KAZN: variants seen among roughly 807,000 people sequenced by gnomAD.
KAZN encodes the protein kazrin, periplakin interacting protein.
KAZN carries 40 observed loss-of-function variants against 87.4 expected under a neutral mutation model. The ratio of observed to expected loss-of-function variants is 0.46; its 90% CI spans 0.36 to 0.60. The LOEUF is 0.60. KAZN is among the 20% of genes least tolerant of loss of function. The pLI, the probability that KAZN is intolerant of heterozygous loss-of-function variation, is 0.00. For synonymous variants in KAZN, 466 were observed against 458.3 expected (o/e 1.02, Z -0.22); for missense variants, 898 against 1,073.9 (o/e 0.84, Z 2.29).
At chr1:14,935,716 C>T (rs1330254334) in intron 1 of KAZN, among the ~76,000 whole-genome samples, 1 of 152,174 alleles carries the variant, frequency 6.6e-6, no homozygotes, top group African/African-American at 2.4e-5. Flanking sequence ...GTACCCTGGC[C>T]TGTTCCCTGC....
chr1:14,252,615 T>C (rs928762333), intron 2 of KAZN, among the ~76,000 whole-genome samples: 4 of 152,208 alleles, frequency 2.6e-5, no homozygotes, highest in African/African-American at 9.6e-5. Context: ...TCTGTTGGTA[T>C]ACATTCCCTA....
intron 2 of KAZN, among the ~76,000 whole-genome samples, chr1:14,281,559 A>G (rs940169489): frequency 6.6e-6 from 1 of 152,208 alleles, no homozygotes; most frequent in Admixed American, 6.5e-5. Context: ...AGTAAGGCCC[A>G]TGAAGCAACT....
intron 1 of KAZN, among the ~76,000 whole-genome samples, chr1:14,783,726 G>A (rs1022377373): frequency 3.9e-5 from 6 of 152,134 alleles, no homozygotes; most frequent in Admixed American, 3.3e-4. Flanking sequence ...GCGGGGTCCT[G>A]GCTGAGGAGT....
chr1:14,269,657 G>C (rs1319179125), intron 2 of KAZN, among the ~76,000 whole-genome samples: 1 of 152,198 alleles, frequency 6.6e-6, no homozygotes, highest in Non-Finnish European at 1.5e-5. Context: ...TCAGCGCACT[G>C]TTGTGGAAGT....
At chr1:14,439,149 A>G (rs1442865974) in intron 2 of KAZN, among the ~76,000 whole-genome samples, 1 of 152,102 alleles carries the variant, frequency 6.6e-6, no homozygotes, top group Non-Finnish European at 1.5e-5. Context: ...TCCACACCCA[A>G]AACCTGCCCT....
At chr1:14,861,472 G>A (rs1650845066) in intron 1 of KAZN, among the ~76,000 whole-genome samples, 1 of 152,188 alleles carries the variant, frequency 6.6e-6, no homozygotes, top group Admixed American at 6.5e-5. Flanking sequence ...TGTCATCATT[G>A]AGACATAAGG....
chr1:14,533,502 G>A (rs761960560), intron 2 of KAZN, among the ~76,000 whole-genome samples: 2 of 152,252 alleles, frequency 1.3e-5, no homozygotes, highest in East Asian at 1.9e-4. Flanking sequence ...CCAAACTCAC[G>A]GCTCTGCATC....
chr1:15,091,751 C>G (rs16851281), intron 8 of KAZN, among the ~76,000 whole-genome samples: 57,240 of 152,076 alleles, frequency 0.38, 12,082 homozygotes, highest in East Asian at 0.83. Flanking sequence ...TTCCTTCAAA[C>G]AAACTCTCAT....
intron 1 of KAZN, among the ~76,000 whole-genome samples, chr1:14,645,689 C>G (rs1215268567): frequency 6.6e-6 from 1 of 152,182 alleles, no homozygotes; most frequent in African/African-American, 2.4e-5. Context: ...ATGTCGTCTG[C>G]CAACAGGGGT....
chr1:14,353,573 C>T (rs942675625), intron 2 of KAZN, among the ~76,000 whole-genome samples: 7 of 152,052 alleles, frequency 4.6e-5, no homozygotes, highest in Admixed American at 6.6e-5. Flanking sequence ...CTCTACTAGA[C>T]GTAGTAAGTG....
chr1:14,230,667 G>A (rs1049555491), intron 2 of KAZN, among the ~76,000 whole-genome samples: 12 of 152,178 alleles, frequency 7.9e-5, no homozygotes, highest in Non-Finnish European at 1.5e-4. Flanking sequence ...ATTTCCACAT[G>A]TGACTCCCCT....
upstream of KAZN, among the ~76,000 whole-genome samples, chr1:14,595,081 T>C (rs1676407430): frequency 6.6e-6 from 1 of 151,468 alleles, no homozygotes; most frequent in Non-Finnish European, 1.5e-5. Flanking sequence ...GAGGCAGAGG[T>C]TGCAGTGAGC....
chr1:14,777,154 A>AT (rs55767259), intron 1 of KAZN, among the ~76,000 whole-genome samples: 8,787 of 67,734 alleles, frequency 0.13, 889 homozygotes, highest in African/African-American at 0.34. Context: ...CACCCAGCTA[A>AT]TTTTTTTTTT....
intron 1 of KAZN, among the ~76,000 whole-genome samples, chr1:14,846,941 C>T (rs138032650): frequency 8.5e-5 from 13 of 152,282 alleles, no homozygotes; most frequent in African/African-American, 1.2e-4. Flanking sequence ...CAGCCCCTGG[C>T]AGGGAGCGAG....
chr1:14,478,288 A>AGGAAGGAAGGAAGGAG (rs1668881717), intron 2 of KAZN, among the ~76,000 whole-genome samples: 1 of 150,336 alleles, frequency 6.7e-6, no homozygotes, highest in East Asian at 1.9e-4. Flanking sequence ...GAAGGAAGGA[A>AGGAAGGAAGGAAGGAG]GGGTGGATGG....
chr1:15,012,275 T>C (rs949239659), intron 2 of KAZN, among the ~76,000 whole-genome samples: 2 of 152,142 alleles, frequency 1.3e-5, no homozygotes, highest in Non-Finnish European at 2.9e-5. Context: ...AGTTTCCTGC[T>C]GGTAGAGAAA....
intron 2 of KAZN, among the ~76,000 whole-genome samples, chr1:14,277,279 G>T (rs1011043031): frequency 6.6e-6 from 1 of 152,124 alleles, no homozygotes; most frequent in African/African-American, 2.4e-5. Flanking sequence ...AAATATATCT[G>T]TATGTATCTC....
chr1:13,956,186 C>T (rs1364690353), intron 1 of KAZN, among the ~76,000 whole-genome samples: 3 of 152,220 alleles, frequency 2.0e-5, no homozygotes, highest in Non-Finnish European at 4.4e-5. Context: ...CTGGCATTCC[C>T]TCTTTGTCAT....
At chr1:13,920,441 C>T (rs969166990) in intron 1 of KAZN, among the ~76,000 whole-genome samples, 5 of 152,070 alleles carry the variant, frequency 3.3e-5, no homozygotes, top group African/African-American at 1.2e-4. Flanking sequence ...GAGTGTAAGT[C>T]CTCCAGCTTT....
Sources: allele counts gnomAD v4.1 joint callset (sites outside exome capture counted in the v4.1 genomes callset), GRCh38; gene constraint gnomAD v4.1.1; transcripts MANE v1.5; gene names NCBI Gene and HGNC (gene_info 2026-07-23, HGNC 2026-07-21).